NAALADL2: variants seen among roughly 807,000 people sequenced by gnomAD.
NAALADL2 encodes inactive N-acetylated-alpha-linked acidic dipeptidase-like protein 2.
NAALADL2 carries 76 observed loss-of-function variants against 87.2 expected under a neutral mutation model. The ratio of observed to expected loss-of-function variants is 0.87; its 90% CI spans 0.72 to 1.05. The LOEUF (loss-of-function observed/expected upper bound fraction) is 1.05. NAALADL2 is among the 50% of genes least tolerant of loss of function. The pLI is 0.00. For missense variants in NAALADL2, 1,089 were observed against 945.8 expected (o/e 1.15, Z -1.99); for synonymous variants, 354 against 331.0 (o/e 1.07, Z -0.75).
chr3:175,591,469 G>A (rs1023595509), intron 10 of NAALADL2, among the ~76,000 whole-genome samples: 1 of 151,866 alleles, frequency 6.6e-6, no homozygotes, highest in Non-Finnish European at 1.5e-5. Context: ...TCTTAAAAAT[G>A]TTAATCATCA....
At chr3:175,265,503 G>GT (rs1299022975) in intron 4 of NAALADL2, among the ~76,000 whole-genome samples, 3 of 151,504 alleles carry the variant, frequency 2.0e-5, no homozygotes, top group African/African-American at 7.3e-5. Context: ...TTGTCTGACT[G>GT]TCTCTTGATA....
chr3:174,869,091 G>C (rs1424622351), intron 1 of NAALADL2, among the ~76,000 whole-genome samples: 1 of 152,078 alleles, frequency 6.6e-6, no homozygotes, highest in African/African-American at 2.4e-5. Context: ...AAATGAGTGA[G>C]AAATATTAAA....
At chr3:174,609,522 A>C (rs1719555426) in intron 2 of NAALADL2, among the ~76,000 whole-genome samples, 1 of 152,174 alleles carries the variant, frequency 6.6e-6, no homozygotes, top group South Asian at 2.1e-4. Flanking sequence ...CACCAATAAC[A>C]GACAAACAGA....
chr3:175,564,424 G>C (rs185670925), intron 9 of NAALADL2, among the ~76,000 whole-genome samples: 28 of 152,214 alleles, frequency 1.8e-4, no homozygotes, highest in African/African-American at 6.5e-4. Flanking sequence ...CAGTCTGAGA[G>C]AGTTAATATG....
intron 1 of NAALADL2, among the ~76,000 whole-genome samples, chr3:174,972,388 A>T (rs2108612708): frequency 6.6e-6 from 1 of 152,314 alleles, no homozygotes; most frequent in Middle Eastern, 3.4e-3. Flanking sequence ...GAAGGCTAAA[A>T]GTCCAAAATC....
intron 2 of NAALADL2, among the ~76,000 whole-genome samples, chr3:174,640,294 T>C (rs1252757950): frequency 2.0e-5 from 3 of 152,182 alleles, no homozygotes; most frequent in African/African-American, 7.2e-5. Context: ...AGTTCCTCTT[T>C]AGCTGTGCCT....
chr3:174,892,948 A>C (rs1731046798), intron 1 of NAALADL2, among the ~76,000 whole-genome samples: 1 of 151,594 alleles, frequency 6.6e-6, no homozygotes. Flanking sequence ...AAATACAAGA[A>C]AGTTGTAGAA....
At chr3:174,574,802 C>A (rs1328055878) in intron 2 of NAALADL2, among the ~76,000 whole-genome samples, 1 of 152,094 alleles carries the variant, frequency 6.6e-6, no homozygotes. Context: ...TGGCTACCTT[C>A]ACTCAGTGTA....
rs187167266 is a variant in NAALADL2, at chr3:175,039,388, G to A, written c.44-57402G>A. On this transcript the variant is annotated intron_variant, in intron 1 of 13. Transcript: ENST00000454872. ...TTACCATATTGGCCAGGCTGGTCTC[G>A]AACTCCTGACCTCAGAGCTATTATG... Among the ~76,000 whole-genome samples the A allele has an allele frequency of 1.9e-3, 286 of 152,162 alleles. 3 individuals are homozygous for A. The highest frequency in any genetic ancestry group is 7.6e-3 in the Admixed American group (116 of 15,274).
chr3:175,051,589 G>C (rs935037328), intron 1 of NAALADL2, among the ~76,000 whole-genome samples: 7 of 152,152 alleles, frequency 4.6e-5, no homozygotes, highest in Non-Finnish European at 8.8e-5. Context: ...AGAGTCTCTC[G>C]ATCAGTTAGC....
chr3:175,196,715 C>T (rs887573717), intron 2 of NAALADL2, among the ~76,000 whole-genome samples: 2 of 151,834 alleles, frequency 1.3e-5, no homozygotes, highest in Non-Finnish European at 2.9e-5. Context: ...ACAAAAAGTA[C>T]GAGGTTTTTG....
chr3:175,662,883 T>A (rs964702584), intron 11 of NAALADL2, among the ~76,000 whole-genome samples: 3 of 152,010 alleles, frequency 2.0e-5, no homozygotes, highest in Non-Finnish European at 4.4e-5. Context: ...GTTGTTGAAT[T>A]CAATTTGCTA....
chr3:175,430,957 A>G (rs1035763451), intron 5 of NAALADL2, among the ~76,000 whole-genome samples: 1 of 152,062 alleles, frequency 6.6e-6, no homozygotes, highest in African/African-American at 2.4e-5. Flanking sequence ...CTAGCATCTC[A>G]TTGATATTTT....
At chr3:175,494,102 G>A (rs1214993782) in intron 9 of NAALADL2, among the ~76,000 whole-genome samples, 1 of 149,580 alleles carries the variant, frequency 6.7e-6, no homozygotes, top group Non-Finnish European at 1.5e-5. Context: ...CACCATTTTG[G>A]AAATTATACT....
At chr3:175,745,571 A>G (rs141653534) in intron 12 of NAALADL2, among the ~76,000 whole-genome samples, 323 of 152,310 alleles carry the variant, frequency 2.1e-3, no homozygotes, top group African/African-American at 7.5e-3. Flanking sequence ...TTGTTGTTAT[A>G]CTGAATTGCT....
intron 12 of NAALADL2, among the ~76,000 whole-genome samples, chr3:175,744,937 T>G (rs7648867): frequency 0.25 from 37,545 of 151,688 alleles, 5,041 homozygotes; most frequent in African/African-American, 0.35. Flanking sequence ...TGATTACTAT[T>G]AATTTCTCAA....
intron 1 of NAALADL2, among the ~76,000 whole-genome samples, chr3:175,043,979 T>G (rs951959869): frequency 1.3e-4 from 20 of 152,204 alleles, no homozygotes; most frequent in Non-Finnish European, 2.9e-5. Flanking sequence ...TACAAATATT[T>G]GAAAATGTTA....
chr3:174,444,295 A>C (rs1453703873), intron 1 of NAALADL2, among the ~76,000 whole-genome samples: 1 of 152,116 alleles, frequency 6.6e-6, no homozygotes, highest in African/African-American at 2.4e-5. Context: ...GAGGTGGGGA[A>C]TGTGGATGTT....
chr3:174,526,750 A>T (rs1720796955), intron 1 of NAALADL2, among the ~76,000 whole-genome samples: 1 of 147,128 alleles, frequency 6.8e-6, no homozygotes, highest in Admixed American at 6.9e-5. Flanking sequence ...ATCTGTGCTT[A>T]CTGCACCCTC....
Sources: allele counts gnomAD v4.1 joint callset (sites outside exome capture counted in the v4.1 genomes callset), GRCh38; gene constraint gnomAD v4.1.1; transcripts MANE v1.5; gene names NCBI Gene and HGNC (gene_info 2026-07-23, HGNC 2026-07-21).